Variants in MRAP2 observed in about 807,000 individuals in gnomAD.
MRAP2 encodes the protein melanocortin-2 receptor accessory protein 2.
A neutral mutation model predicts 17.4 loss-of-function variants in MRAP2; 20 were observed. The observed-to-expected ratio is 1.15, with a 90% confidence interval of 0.81 to 1.67. The LOEUF is 1.67. MRAP2 is among the 40% of genes most tolerant of loss of function. MRAP2 has a pLI of 0.00. For synonymous variants in MRAP2, 96 were observed against 88.4 expected (o/e 1.09, Z -0.48); for missense variants, 238 against 240.0 (o/e 0.99, Z 0.05).
At chr6:84,050,520 T>C (rs1562874535) in intron 1 of MRAP2, among the ~76,000 whole-genome samples, 1 of 152,190 alleles carries the variant, frequency 6.6e-6, no homozygotes, top group African/African-American at 2.4e-5. Flanking sequence ...AGGAGGAAAT[T>C]AAGCTTCTAA....
At chr6:84,110,244 A>G in the MRAP2 span, among the ~76,000 whole-genome samples, 2 of 152,202 alleles carry the variant, frequency 1.3e-5, no homozygotes, top group African/African-American at 2.4e-5. Context: ...CATCTTCTCC[A>G]GCATCTGTTG....
chr6:84,105,368 G>A, the MRAP2 span, among the ~76,000 whole-genome samples: 1 of 152,170 alleles, frequency 6.6e-6, no homozygotes, highest in Non-Finnish European at 1.5e-5. Flanking sequence ...ATGGCAGAAG[G>A]CAAGGAGGAG....
At chr6:84,134,955 C>T in the MRAP2 span, among the ~76,000 whole-genome samples, 157 of 127,890 alleles carry the variant, frequency 1.2e-3, no homozygotes, top group Admixed American at 2.8e-3. Flanking sequence ...CACACACACA[C>T]ATATATAGTG....
chr6:84,047,767 G>A (rs963504988), intron 1 of MRAP2, among the ~76,000 whole-genome samples: 8 of 152,048 alleles, frequency 5.3e-5, no homozygotes, highest in East Asian at 1.9e-4. Flanking sequence ...GGTTTTTGCC[G>A]TTAAAAGTAT....
chr6:84,126,596 A>C, the MRAP2 span: 1 of 1,039,070 alleles, frequency 9.6e-7, no homozygotes, highest in South Asian at 1.9e-5. Context: ...ATTTGTATAA[A>C]ATTTCTCTAT....
At chr6:84,116,327 G>A in the MRAP2 span, among the ~76,000 whole-genome samples, 3 of 152,110 alleles carry the variant, frequency 2.0e-5, no homozygotes, top group Non-Finnish European at 4.4e-5. Context: ...TGCTGTTATC[G>A]TGATAGTAAG....
At chr6:84,062,853 C>T (rs772571908) in intron 2 of MRAP2, 40 bp from the exon 3 acceptor site, 11 of 1,612,986 alleles carry the variant, frequency 6.8e-6, no homozygotes, top group Non-Finnish European at 9.3e-6. Context: ...AAGTTTTAAA[C>T]TACTGTGAAA....
intron 3 of MRAP2, among the ~76,000 whole-genome samples, chr6:84,084,788 A>G (rs568787169): frequency 6.6e-6 from 1 of 152,188 alleles, no homozygotes; most frequent in Non-Finnish European, 1.5e-5. Context: ...GTGCACCAGG[A>G]AAAGCCATGT....
chr6:84,106,932 C>T, the MRAP2 span, among the ~76,000 whole-genome samples: 1 of 152,084 alleles, frequency 6.6e-6, no homozygotes, highest in Non-Finnish European at 1.5e-5. Context: ...TACTAAGGCC[C>T]AGTAGCAGGT....
At chr6:84,081,254 T>C (rs1462726927) in intron 3 of MRAP2, among the ~76,000 whole-genome samples, 1 of 152,102 alleles carries the variant, frequency 6.6e-6, no homozygotes, top group Non-Finnish European at 1.5e-5. Flanking sequence ...TGATATGGAG[T>C]CTTTTTCTGA....
the MRAP2 span, chr6:84,126,606 T>C: frequency 2.1e-6 from 2 of 932,260 alleles, no homozygotes; most frequent in African/African-American, 3.4e-5. Flanking sequence ...AATTTCTCTA[T>C]ATAAGTAAGA....
chr6:84,047,303 G>A (rs186739427), intron 1 of MRAP2, among the ~76,000 whole-genome samples: 1 of 152,002 alleles, frequency 6.6e-6, no homozygotes, highest in Admixed American at 6.5e-5. Context: ...CAATTCTTGT[G>A]CCTCAGCCTT....
upstream of MRAP2, chr6:84,033,682 T>C (rs1341374361): frequency 2.0e-6 from 2 of 984,698 alleles, no homozygotes; most frequent in Non-Finnish European, 2.4e-6. Context: ...GGGAGGCGGC[T>C]CCCGCGCTGC....
chr6:84,089,479 T>A lies in MRAP2; in HGVS notation c.616T>A (p.Ter206ArgextTer18). The change falls in exon 4 of 4, where the codon TGA (stop) becomes AGA (arginine). Residue 206 changes from the stop codon to arginine (R), a stop_lost. Coordinates refer to ENST00000257776, the MANE Select transcript of MRAP2 (RefSeq NM_138409.4). ...LSQTSHKDLD[*>R] is the part of the protein sequence containing the mutation. ...CCAGACCTCACACAAAGACCTGGAT[T>A]GAGAAACATGCTCTGTAAAGGGTCT... is the stretch of plus-strand genomic sequence containing the variant. 6.2e-7 allele frequency: 1 copy of A among 1,611,088 alleles called. No individual in the cohort carries two copies. Among genetic ancestry groups the A allele is most frequent in the Non-Finnish European group, 8.5e-7 (1 of 1,178,366 alleles).
chr6:84,132,949 T>C, the MRAP2 span, among the ~76,000 whole-genome samples: 1 of 152,116 alleles, frequency 6.6e-6, no homozygotes, highest in Non-Finnish European at 1.5e-5. Flanking sequence ...ATTTTTGGAA[T>C]TTTCAGCTTT....
intron 1 of MRAP2, among the ~76,000 whole-genome samples, chr6:84,037,400 G>A (rs1031160905): frequency 6.6e-6 from 1 of 152,254 alleles, no homozygotes; most frequent in Admixed American, 6.5e-5. Context: ...TGATTCAGGA[G>A]CCCAGCTGGC....
intron 1 of MRAP2, among the ~76,000 whole-genome samples, chr6:84,035,736 C>A (rs2099485804): frequency 6.6e-6 from 1 of 152,098 alleles, no homozygotes; most frequent in African/African-American, 2.4e-5. Flanking sequence ...TGGGGGTCAT[C>A]TTCTTTTACC....
At chr6:84,081,383 A>G (rs899923582) in intron 3 of MRAP2, among the ~76,000 whole-genome samples, 3 of 152,172 alleles carry the variant, frequency 2.0e-5, no homozygotes, top group Non-Finnish European at 4.4e-5. Context: ...GTCCCTACCC[A>G]TATCTCATCT....
the MRAP2 span, among the ~76,000 whole-genome samples, chr6:84,113,281 G>C: frequency 6.6e-6 from 1 of 152,020 alleles, no homozygotes; most frequent in African/African-American, 2.4e-5. Flanking sequence ...TCTTTTATTG[G>C]GTGCATATAT....
Sources: gnomAD v4.1 joint callset for allele counts (sites outside exome capture counted in the v4.1 genomes callset) on GRCh38, gnomAD v4.1.1 for gene constraint, MANE v1.5 for transcripts, NCBI Gene and HGNC (gene_info 2026-07-23, HGNC 2026-07-21) for gene names.